Variants in GRIK1 observed in about 807,000 individuals in gnomAD.
The protein encoded by GRIK1 is glutamate receptor ionotropic, kainate 1.
Under a neutral mutation model 105.7 loss-of-function variants are expected in GRIK1, and 69 were observed. That is an observed-to-expected ratio of 0.65 (90% CI 0.54 to 0.80). The LOEUF (loss-of-function observed/expected upper bound fraction) is 0.80. Ranked by LOEUF, GRIK1 falls within the 30% of genes least tolerant of loss-of-function variation. GRIK1 has a pLI of 0.00. For synonymous variants in GRIK1, 438 were observed against 431.3 expected (o/e 1.02, Z -0.19); for missense variants, 1,109 against 1,167.3 (o/e 0.95, Z 0.73).
chr21:29,885,496 C>G (rs1416373367), intron 1 of GRIK1, among the ~76,000 whole-genome samples: 1 of 151,964 alleles, frequency 6.6e-6, no homozygotes, highest in Admixed American at 6.6e-5. Context: ...TAGAATTTAG[C>G]CCTTGATTAA....
At chr21:29,595,870 C>T (rs916983561) in intron 9 of GRIK1, among the ~76,000 whole-genome samples, 1 of 152,192 alleles carries the variant, frequency 6.6e-6, no homozygotes, top group African/African-American at 2.4e-5. Flanking sequence ...GGCAACATGG[C>T]ACTGTATAAT....
intron 1 of GRIK1, among the ~76,000 whole-genome samples, chr21:29,790,391 G>A (rs1382433355): frequency 6.6e-6 from 1 of 151,948 alleles, no homozygotes; most frequent in African/African-American, 2.4e-5. Context: ...CCAGTAAGAA[G>A]GCCCAATAAA....
chr21:29,679,470 A>G (rs1221254755), intron 3 of GRIK1, among the ~76,000 whole-genome samples: 1 of 152,318 alleles, frequency 6.6e-6, no homozygotes, highest in African/African-American at 2.4e-5. Context: ...GAGGCCACTC[A>G]AATTTGTGTC....
At chr21:29,674,588 T>C (rs1356953674) in intron 3 of GRIK1, among the ~76,000 whole-genome samples, 1 of 152,106 alleles carries the variant, frequency 6.6e-6, no homozygotes, top group Non-Finnish European at 1.5e-5. Context: ...TCCCCCAGGC[T>C]GTTCTTGTGG....
At chr21:29,779,929 T>C (rs1333534742) in intron 1 of GRIK1, among the ~76,000 whole-genome samples, 1 of 152,184 alleles carries the variant, frequency 6.6e-6, no homozygotes, top group South Asian at 2.1e-4. Context: ...AAAACCCTCA[T>C]GCCTGGATTT....
rs1208142583 is a variant in GRIK1 at position 29,903,084 on chromosome 21, GA to G, written c.118+36298del. Among the ~76,000 whole-genome samples, 3 of 152,186 alleles carry G rather than the reference GA, an allele frequency of 2.0e-5. No homozygotes were observed. In the East Asian group the frequency reaches 5.8e-4, roughly 29 times the overall value. ...TGGGAAAACTGGCTAGCCATATGCA[GA>G]AAACTGAAACTGGACCCCTTCCTTA... On this transcript the variant is annotated intron_variant, in intron 1 of 17. Transcript: ENST00000327783.
intron 1 of GRIK1, among the ~76,000 whole-genome samples, chr21:29,870,868 T>C (rs2068981825): frequency 6.6e-6 from 1 of 152,126 alleles, no homozygotes; most frequent in African/African-American, 2.4e-5. Context: ...CACGGTTAAA[T>C]GCCTTTGAGA....
intron 1 of GRIK1, among the ~76,000 whole-genome samples, chr21:29,743,826 A>G (rs915246522): frequency 6.6e-6 from 1 of 152,232 alleles, no homozygotes; most frequent in Non-Finnish European, 1.5e-5. Flanking sequence ...GAAGCTATGA[A>G]ATGAATTTCA....
chr21:29,782,166 A>C (rs1001319328), intron 1 of GRIK1, among the ~76,000 whole-genome samples: 6 of 147,782 alleles, frequency 4.1e-5, no homozygotes, highest in Non-Finnish European at 8.9e-5. Context: ...GGCTCACTGC[A>C]AGCTCTGCCT....
intron 1 of GRIK1, among the ~76,000 whole-genome samples, chr21:29,766,721 C>A (rs1365329945): frequency 6.6e-6 from 1 of 152,184 alleles, no homozygotes; most frequent in Non-Finnish European, 1.5e-5. Context: ...AGAGGGACTT[C>A]TCTGAAAACT....
At chr21:29,634,941 A>C (rs1429071293) in intron 7 of GRIK1, among the ~76,000 whole-genome samples, 2 of 152,200 alleles carry the variant, frequency 1.3e-5, no homozygotes, top group Admixed American at 6.5e-5. Flanking sequence ...CTGCACATTT[A>C]TGTATATCAC....
chr21:29,560,281 TTC>T lies in GRIK1; in HGVS notation c.2356+1341_2356+1342del, dbSNP rs1555835083. On this transcript the variant is annotated intron_variant, in intron 15 of 17. Transcript: ENST00000327783. ...TACCAGGACCTTATATGATACAGTT[TTC>T]TTTCTTTCTTTCTTTCTTTCTTTCT... Among the ~76,000 whole-genome samples, 27 of 40,260 alleles carry T rather than the reference TTC, an allele frequency of 6.7e-4. No homozygotes were observed. The South Asian group carries it at 0.022, about 33-fold the overall frequency. 26.4% of individuals were successfully genotyped at this position (40,260 alleles called of 152,430 possible). A position where few individuals can be genotyped will look rare whatever the true frequency, so the allele number is the denominator to read the frequency against.
At chr21:29,756,696 A>G (rs2065351130) in intron 1 of GRIK1, among the ~76,000 whole-genome samples, 1 of 152,178 alleles carries the variant, frequency 6.6e-6, no homozygotes, top group African/African-American at 2.4e-5. Flanking sequence ...CAAAAAACAA[A>G]AAACAAAAAA....
In GRIK1 at chr21:29,693,764, G is replaced by T. The variant is rs181807458; in HGVS notation, c.286+132C>A. 2.0e-4 allele frequency: 133 copies of T among 673,776 alleles called. No homozygotes were observed. The African/African-American group carries it at 2.3e-3, about 11-fold the overall frequency. The allele number at this position is 673,776 out of a possible 1,614,324, so 41.7% of individuals were successfully genotyped here. The stretch of plus-strand genomic sequence containing the variant: ...TCAGATTACACTGATCAGTGACATC[G>T]AAGACCCAGATTTCCCGCGACCCAT... On this transcript the variant is annotated intron_variant, in intron 2 of 17. Coordinates refer to ENST00000327783, the MANE Select transcript of GRIK1 (RefSeq NM_001330994.2).
chr21:29,810,401 A>G (rs1569118210), intron 1 of GRIK1, among the ~76,000 whole-genome samples: 2 of 124,298 alleles, frequency 1.6e-5, no homozygotes, highest in Non-Finnish European at 1.6e-5. Flanking sequence ...AAGTGAGCAC[A>G]TTGTGTTGGA....
intron 1 of GRIK1, among the ~76,000 whole-genome samples, chr21:29,885,004 T>A (rs1351812550): frequency 6.6e-6 from 1 of 152,064 alleles, no homozygotes; most frequent in Admixed American, 6.6e-5. Flanking sequence ...ATTATTTTCA[T>A]TATTGGAAAA....
intron 1 of GRIK1, among the ~76,000 whole-genome samples, chr21:29,899,055 CT>C (rs1359121065): frequency 3.3e-5 from 5 of 152,112 alleles, no homozygotes; most frequent in Non-Finnish European, 5.9e-5. Context: ...CATATCTGGG[CT>C]TTCTCTAAAA....
intron 4 of GRIK1, among the ~76,000 whole-genome samples, chr21:29,671,425 C>G (rs1273147686): frequency 6.9e-6 from 1 of 145,836 alleles, no homozygotes; most frequent in African/African-American, 2.6e-5. Context: ...TTTTTTTACT[C>G]TAATCATCCA....
intron 1 of GRIK1, among the ~76,000 whole-genome samples, chr21:29,812,863 G>C (rs2067048389): frequency 6.6e-6 from 1 of 152,168 alleles, no homozygotes; most frequent in African/African-American, 2.4e-5. Flanking sequence ...TATTTCGGTT[G>C]ATGCATTTGA....
Sources: gnomAD v4.1 joint callset for allele counts (sites outside exome capture counted in the v4.1 genomes callset) on GRCh38, gnomAD v4.1.1 for gene constraint, MANE v1.5 for transcripts, NCBI Gene and HGNC (gene_info 2026-07-23, HGNC 2026-07-21) for gene names.